ADAM32: variants seen among roughly 807,000 people sequenced by gnomAD.
ADAM32 encodes disintegrin and metalloproteinase domain-containing protein 32.
A neutral mutation model predicts 114.9 loss-of-function variants in ADAM32; 89 were observed. That is an observed-to-expected ratio of 0.77 (90% CI 0.65 to 0.92). ADAM32 has a LOEUF of 0.92. Among genes scored for constraint, ADAM32 ranks in the 40% least tolerant of loss-of-function variants. The pLI, the probability that ADAM32 is intolerant of heterozygous loss-of-function variation, is 0.00. For missense variants in ADAM32, 870 were observed against 932.8 expected (o/e 0.93, Z 0.88); for synonymous variants, 285 against 307.5 (o/e 0.93, Z 0.77).
chr8:39,153,158 C>A (rs1334097967), intron 6 of ADAM32, among the ~76,000 whole-genome samples: 1 of 151,948 alleles, frequency 6.6e-6, no homozygotes, highest in African/African-American at 2.4e-5. Flanking sequence ...AGACGGCAAT[C>A]CTATATCTTA....
chr8:39,238,596 A>T (rs1810351304), intron 16 of ADAM32, among the ~76,000 whole-genome samples: 1 of 152,242 alleles, frequency 6.6e-6, no homozygotes, highest in Non-Finnish European at 1.5e-5. Flanking sequence ...CTGAACTGTC[A>T]GTAAAAGAAT....
chr8:39,214,708 T>G (rs550252662), intron 12 of ADAM32, among the ~76,000 whole-genome samples: 29 of 152,170 alleles, frequency 1.9e-4, no homozygotes, highest in Non-Finnish European at 3.5e-4. Context: ...TCCCATTTAT[T>G]CATGTTTCGT....
intron 10 of ADAM32, among the ~76,000 whole-genome samples, chr8:39,183,382 C>G (rs1006298265): frequency 1.3e-4 from 20 of 152,310 alleles, no homozygotes; most frequent in Non-Finnish European, 2.1e-4. Context: ...ATGTCTGCCT[C>G]TAATTCACCC....
intron 2 of ADAM32, among the ~76,000 whole-genome samples, chr8:39,125,527 T>C (rs1311339984): frequency 1.3e-5 from 2 of 152,234 alleles, no homozygotes; most frequent in Non-Finnish European, 2.9e-5. Flanking sequence ...GAATTGATGC[T>C]AGAATGAGTT....
chr8:39,118,983 T>G (rs1255068692), intron 2 of ADAM32, among the ~76,000 whole-genome samples: 1 of 152,228 alleles, frequency 6.6e-6, no homozygotes, highest in South Asian at 2.1e-4. Flanking sequence ...TAGGGGCATT[T>G]TATATAAATG....
At chr8:39,183,943 C>T (rs1002116146) in intron 10 of ADAM32, among the ~76,000 whole-genome samples, 1 of 152,176 alleles carries the variant, frequency 6.6e-6, no homozygotes, top group Admixed American at 6.5e-5. Flanking sequence ...CTGGGATACA[C>T]GAGGACAAAT....
intron 12 of ADAM32, among the ~76,000 whole-genome samples, chr8:39,211,786 G>T (rs1808238873): frequency 6.6e-6 from 1 of 152,062 alleles, no homozygotes; most frequent in Non-Finnish European, 1.5e-5. Flanking sequence ...AAAATATAAT[G>T]AATTCAAAAG....
At chr8:39,173,864 G>A (rs1805347222) in intron 10 of ADAM32, among the ~76,000 whole-genome samples, 1 of 151,934 alleles carries the variant, frequency 6.6e-6, no homozygotes, top group South Asian at 2.1e-4. Flanking sequence ...TCACTCTGTA[G>A]CCCAGGCTGG....
chr8:39,226,094 A>T (rs775182559), intron 14 of ADAM32, among the ~76,000 whole-genome samples: 1 of 152,196 alleles, frequency 6.6e-6, no homozygotes, highest in Admixed American at 6.5e-5. Context: ...AATGAATAAC[A>T]TTAAAATGCA....
intron 2 of ADAM32, among the ~76,000 whole-genome samples, chr8:39,135,111 C>T (rs11992635): frequency 0.42 from 63,849 of 151,974 alleles, 13,550 homozygotes; most frequent in East Asian, 0.59. Context: ...GCTGAGATGG[C>T]GCCACTGCAC....
intron 3 of ADAM32, among the ~76,000 whole-genome samples, chr8:39,140,452 C>A (rs1803079147): frequency 6.6e-6 from 1 of 152,154 alleles, no homozygotes; most frequent in African/African-American, 2.4e-5. Context: ...TGATGGATTA[C>A]ATTTATTGAT....
At chr8:39,279,102 GT>G (rs1395178959) in intron 22 of ADAM32, among the ~76,000 whole-genome samples, 1 of 152,010 alleles carries the variant, frequency 6.6e-6, no homozygotes, top group Non-Finnish European at 1.5e-5. Context: ...GATAGAATTT[GT>G]TTTTATTTAT....
At chr8:39,163,171 C>A (rs1804616171) in intron 7 of ADAM32, among the ~76,000 whole-genome samples, 1 of 152,126 alleles carries the variant, frequency 6.6e-6, no homozygotes, top group Admixed American at 6.5e-5. Flanking sequence ...GGAAACACAA[C>A]TGTAAGTTGT....
chr8:39,126,089 A>G (rs1240098254), intron 2 of ADAM32, among the ~76,000 whole-genome samples: 1 of 152,182 alleles, frequency 6.6e-6, no homozygotes, highest in Non-Finnish European at 1.5e-5. Flanking sequence ...GAGGTCATGT[A>G]GCATGATGCC....
At chr8:39,263,476 T>C (rs1812168395) in intron 19 of ADAM32, among the ~76,000 whole-genome samples, 1 of 152,208 alleles carries the variant, frequency 6.6e-6, no homozygotes, top group African/African-American at 2.4e-5. Context: ...TCCATGGTTG[T>C]GGTGGTGGTT....
chr8:39,157,484 A>C, intron 6 of ADAM32: 1 of 358,806 alleles, frequency 2.8e-6, no homozygotes, highest in Non-Finnish European at 5.3e-6. Context: ...TTTTTTTTTC[A>C]GTGTCAGATA....
At chr8:39,147,831 T>C (rs1803593004) in intron 4 of ADAM32, among the ~76,000 whole-genome samples, 1 of 152,162 alleles carries the variant, frequency 6.6e-6, no homozygotes, top group South Asian at 2.1e-4. Context: ...TAGAGTGCAA[T>C]GGTGCGATCT....
At chr8:39,179,016 C>G (rs1344193651) in intron 10 of ADAM32, among the ~76,000 whole-genome samples, 1 of 152,152 alleles carries the variant, frequency 6.6e-6, no homozygotes, top group Admixed American at 6.5e-5. Context: ...CATCAGGGAC[C>G]CGCTTAAAGA....
At chr8:39,277,185 C>A (rs1226042371) in intron 22 of ADAM32, among the ~76,000 whole-genome samples, 1 of 152,228 alleles carries the variant, frequency 6.6e-6, no homozygotes, top group Non-Finnish European at 1.5e-5. Flanking sequence ...CATAATTCAT[C>A]TCTCCCAGGG....
Sources: gnomAD v4.1 joint callset for allele counts (sites outside exome capture counted in the v4.1 genomes callset) on GRCh38, gnomAD v4.1.1 for gene constraint, MANE v1.5 for transcripts, NCBI Gene and HGNC (gene_info 2026-07-23, HGNC 2026-07-21) for gene names.